The following NT5DC1 variants were observed in gnomAD, a reference collection of about 807,000 sequenced individuals.
NT5DC1 encodes 5'-nucleotidase domain containing 1.
In NT5DC1, 42 loss-of-function variants were observed where a neutral mutation model predicts 59.4. The observed-to-expected ratio is 0.71, with a 90% CI of 0.55 to 0.92. NT5DC1 has a LOEUF of 0.92. NT5DC1 is among the 40% of genes least tolerant of loss of function. The probability of loss-of-function intolerance (pLI) is 0.00; values close to 1 mark genes in which losing one functional copy is unlikely to be tolerated. For missense variants in NT5DC1, 501 were observed against 537.1 expected, an observed-to-expected ratio of 0.93 and a Z score of 0.66; for synonymous variants, 172 against 188.1, an observed-to-expected ratio of 0.91 and a Z score of 0.70.
At chr6:116,197,499 C>G (rs1781258973) in intron 6 of NT5DC1, among the ~76,000 whole-genome samples, 1 of 151,990 alleles carries the variant, frequency 6.6e-6, no homozygotes, top group African/African-American at 2.4e-5. Flanking sequence ...CTCTGCCACC[C>G]AAGTTTTAAG....
At chr6:116,196,947 C>T (rs1440504617) in intron 6 of NT5DC1, among the ~76,000 whole-genome samples, 1 of 151,540 alleles carries the variant, frequency 6.6e-6, no homozygotes, top group Non-Finnish European at 1.5e-5. Context: ...ATGTTTTCTC[C>T]AGAGTTCTAT....
intron 6 of NT5DC1, among the ~76,000 whole-genome samples, chr6:116,129,197 C>G (rs987832858): frequency 1.3e-5 from 2 of 152,110 alleles, no homozygotes; most frequent in African/African-American, 2.4e-5. Flanking sequence ...TCCTGTAGTT[C>G]ACATACATAT....
intron 6 of NT5DC1, among the ~76,000 whole-genome samples, chr6:116,154,996 C>T (rs979442708): frequency 6.6e-6 from 1 of 152,122 alleles, no homozygotes. Context: ...CTTTTACTCC[C>T]TGTGCTGGTT....
intron 6 of NT5DC1, among the ~76,000 whole-genome samples, chr6:116,139,434 G>A (rs1227741272): frequency 6.6e-6 from 1 of 152,010 alleles, no homozygotes. Flanking sequence ...CCACCTATTT[G>A]TATACTTTTT....
Position 116,108,431 on chromosome 6 carries a change from C to G in NT5DC1, c.253C>G (p.Leu85Val), listed in dbSNP as rs560740910. The part of the protein sequence containing the change: ...FLKLANNGTV[L>V]RASHGTKMMT... ...TAAACTTGCAAATAATGGCACTGTT[C>G]TCAGGTAATAAAACTTAGTTGTGAA... The change falls in exon 3 of 12, where the codon CTC becomes GTC. Residue 85 changes from leucine to valine, a missense_variant. Physicochemically the swap from Leu to Val is conservative, Grantham distance 32. Transcript: ENST00000319550. 2.3e-5 allele frequency: 36 copies of G among 1,591,906 alleles called. No individual in the cohort carries two copies. In the South Asian group the frequency reaches 3.3e-4, roughly 15 times the overall value.
chr6:116,106,235 TATTTGCAGCTC>T lies in NT5DC1; in HGVS notation c.94-4_100del. ...ATATTTAATCTGTTTTTCTTCCCCTTATTTGCAGCTCATTTATAATAGCTTTGCCCAGTTCC... is the reference window on the plus strand; with the variant it reads ...ATATTTAATCTGTTTTTCTTCCCCTTATTTATAATAGCTTTGCCCAGTTCC... On this transcript the variant is annotated splice_acceptor_variant and splice_polypyrimidine_tract_variant and coding_sequence_variant and intron_variant, in exon 2 of 12. Coordinates refer to ENST00000319550, the MANE Select transcript of NT5DC1 (RefSeq NM_152729.3). LOFTEE classifies it high-confidence loss of function. The T allele has an allele frequency of 7.2e-7, 1 of 1,389,986 alleles. No individual in the cohort carries two copies. The highest frequency in any genetic ancestry group is 1.0e-6 in the Non-Finnish European group (1 of 976,800). The allele number at this position is 1,389,986 out of a possible 1,614,324, so 86.1% of individuals were successfully genotyped here. A position where few individuals can be genotyped will look rare whatever the true frequency, so the allele number is the denominator to read the frequency against.
intron 6 of NT5DC1, among the ~76,000 whole-genome samples, chr6:116,172,610 G>A (rs879601995): frequency 2.0e-5 from 3 of 151,988 alleles, no homozygotes; most frequent in Non-Finnish European, 2.9e-5. Flanking sequence ...GTGAGCCACC[G>A]CGCCAGGCCA....
At chr6:116,167,539 A>G (rs1426673592) in intron 6 of NT5DC1, among the ~76,000 whole-genome samples, 1 of 152,190 alleles carries the variant, frequency 6.6e-6, no homozygotes, top group Admixed American at 6.5e-5. Context: ...GGCAAAAAAT[A>G]TGCATCATTT....
At chr6:116,193,803 G>A (rs2114496753) in intron 6 of NT5DC1, among the ~76,000 whole-genome samples, 1 of 152,060 alleles carries the variant, frequency 6.6e-6, no homozygotes, top group African/African-American at 2.4e-5. Flanking sequence ...AGGCACAATG[G>A]CTCACACCTA....
intron 6 of NT5DC1, chr6:116,121,341 C>G: frequency 1.2e-6 from 2 of 1,614,100 alleles, no homozygotes; most frequent in Non-Finnish European, 1.7e-6. Context: ...CCTTCTGGCC[C>G]TCGTTCCCCA....
chr6:116,141,715 T>C (rs780143903), intron 6 of NT5DC1, among the ~76,000 whole-genome samples: 3 of 151,998 alleles, frequency 2.0e-5, no homozygotes, highest in African/African-American at 2.4e-5. Context: ...AAAAGTTACT[T>C]TGCTTCTTAT....
Position 116,239,120 on chromosome 6 carries a change from GC to G in NT5DC1, c.1250del (p.Ala417GlufsTer36). ...TGCAATTCCAAGTATTGAAGCAATC[GC>G]AGGTAAGGGGGAAAATACCTATAAA... ...TIAIPSIEAIAELPLDYKFTR... is the reference protein window; with the variant it reads ...TIAIPSIEAIXELPLDYKFTR... On this transcript the variant is annotated frameshift_variant and splice_region_variant, in exon 11 of 12. Coordinates refer to ENST00000319550, the MANE Select transcript of NT5DC1 (RefSeq NM_152729.3). LOFTEE classifies it high-confidence loss of function. 6.2e-7 allele frequency: 1 copy of G among 1,606,288 alleles called. No individual in the cohort carries two copies. Among genetic ancestry groups the G allele is most frequent in the Non-Finnish European group, 8.5e-7 (1 of 1,174,868 alleles).
At chr6:116,161,244 T>C (rs1412035812) in intron 6 of NT5DC1, among the ~76,000 whole-genome samples, 2 of 149,126 alleles carry the variant, frequency 1.3e-5, no homozygotes, top group East Asian at 4.0e-4. Context: ...TAATGCTAGA[T>C]GACGAGTTAG....
intron 6 of NT5DC1, among the ~76,000 whole-genome samples, chr6:116,220,262 T>C (rs1235280047): frequency 6.6e-6 from 1 of 151,942 alleles, no homozygotes; most frequent in Non-Finnish European, 1.5e-5. Flanking sequence ...TCTAGTAACA[T>C]TTCAACTAAA....
intron 6 of NT5DC1, among the ~76,000 whole-genome samples, chr6:116,167,103 C>CTTTTA (rs1780486868): frequency 6.6e-6 from 1 of 150,836 alleles, no homozygotes; most frequent in Non-Finnish European, 1.5e-5. Flanking sequence ...GTAGAATTAT[C>CTTTTA]TTTTATCACT....
At chr6:116,121,078 T>C in intron 6 of NT5DC1, 1 of 1,614,034 alleles carries the variant, frequency 6.2e-7, no homozygotes. Flanking sequence ...CTTTTGGTCC[T>C]TGGGGTCCCA....
intron 1 of NT5DC1, among the ~76,000 whole-genome samples, chr6:116,101,568 A>G (rs977917982): frequency 6.6e-6 from 1 of 152,230 alleles, no homozygotes; most frequent in African/African-American, 2.4e-5. Context: ...TTGAAAAGTC[A>G]TTAAGATCTT....
At chr6:116,121,187 C>G (rs781557450) in intron 6 of NT5DC1, 1 of 1,613,318 alleles carries the variant, frequency 6.2e-7, no homozygotes, top group Non-Finnish European at 8.5e-7. Flanking sequence ...AGCAGGTCCT[C>G]TTTCTCCCTT....
At chr6:116,188,339 A>G (rs1298879403) in intron 6 of NT5DC1, among the ~76,000 whole-genome samples, 1 of 152,072 alleles carries the variant, frequency 6.6e-6, no homozygotes, top group Non-Finnish European at 1.5e-5. Flanking sequence ...TTAGGCTGCA[A>G]TATATACCAT....
Sources: allele counts gnomAD v4.1 joint callset (sites outside exome capture counted in the v4.1 genomes callset), GRCh38; gene constraint gnomAD v4.1.1; transcripts MANE v1.5; gene names NCBI Gene and HGNC (gene_info 2026-07-23, HGNC 2026-07-21).